Variants in LRRFIP2 observed in about 807,000 individuals in gnomAD.
LRRFIP2 encodes leucine-rich repeat flightless-interacting protein 2.
Under a neutral mutation model 125.9 loss-of-function variants are expected in LRRFIP2, and 109 were observed. That is an observed-to-expected ratio of 0.87 (90% CI 0.74 to 1.01). The LOEUF (loss-of-function observed/expected upper bound fraction) is 1.01, where lower values mean the gene tolerates loss of function less well. Among genes scored for constraint, LRRFIP2 ranks in the 50% least tolerant of loss-of-function variants. LRRFIP2 has a pLI of 0.00. For missense variants in LRRFIP2, 850 were observed against 862.3 expected, an observed-to-expected ratio of 0.99 and a Z score of 0.18; for synonymous variants, 291 against 293.1, an observed-to-expected ratio of 0.99 and a Z score of 0.07.
At position 37,121,684 on chromosome 3, in the gene LRRFIP2, G is replaced by A. The variant is rs199604771; in HGVS notation, c.236C>T (p.Ser79Leu). 88 of 1,614,000 alleles carry A rather than the reference G, an allele frequency of 5.5e-5. No homozygotes were observed. In the East Asian group the frequency reaches 1.2e-3, roughly 22 times the overall value. The change falls in exon 5 of 28, where the codon TCG becomes TTG. Residue 79 changes from serine (S) to leucine (L), a missense_variant. Ser to Leu is a moderately radical substitution (Grantham distance 145, BLOSUM62 -2). Coordinates refer to ENST00000336686, the MANE Select transcript of LRRFIP2 (RefSeq NM_006309.4). ...CCGGTGGGAATACCTGGCCCTTTCC[G>A]AATCTTCCTGGGAAAGGAGAAAGTA... ...WGQIQKWLED[S>L]ERARYSHRSS...
intron 23 of LRRFIP2, 40 bp downstream of exon 23, chr3:37,065,770 G>A (rs777836838): frequency 1.2e-6 from 2 of 1,613,810 alleles, no homozygotes; most frequent in South Asian, 2.2e-5. Flanking sequence ...ACCCAATAGG[G>A]TAACATTAAT....
chr3:37,067,272 T>C (rs1394408764), intron 21 of LRRFIP2: 1 of 152,122 alleles, frequency 6.6e-6, no homozygotes. Context: ...CTGAGGACAA[T>C]GCAGAAGCAG....
At chr3:37,166,159 G>T (rs1370640708) in intron 1 of LRRFIP2, among the ~76,000 whole-genome samples, 12 of 151,882 alleles carry the variant, frequency 7.9e-5, no homozygotes, top group Non-Finnish European at 4.4e-5. Context: ...GTGAAAACCC[G>T]TCTCTACTAA....
intron 1 of LRRFIP2, among the ~76,000 whole-genome samples, chr3:37,162,207 A>G (rs1560146308): frequency 6.6e-6 from 1 of 151,410 alleles, no homozygotes; most frequent in Non-Finnish European, 1.5e-5. Context: ...ACAAAAATAA[A>G]TTATTAATAA....
intron 1 of LRRFIP2, among the ~76,000 whole-genome samples, chr3:37,166,472 C>T (rs750921575): frequency 1.3e-5 from 2 of 152,018 alleles, no homozygotes; most frequent in Non-Finnish European, 2.9e-5. Flanking sequence ...ATATAAAGAA[C>T]TCCTACAACT....
chr3:37,076,843 G>A (rs1339557702), intron 19 of LRRFIP2, among the ~76,000 whole-genome samples: 1 of 152,156 alleles, frequency 6.6e-6, no homozygotes, highest in East Asian at 1.9e-4. Flanking sequence ...TCCAGCCTGG[G>A]CAACAGGAGC....
At position 37,157,745 on chromosome 3, in the gene LRRFIP2, T is replaced by C. The variant is rs1052303186; in HGVS notation, c.-55-8707A>G. Among the ~76,000 whole-genome samples the C allele has an allele frequency of 2.6e-5, 4 of 152,110 alleles. No homozygotes were observed. In the East Asian group the frequency reaches 5.8e-4, roughly 22 times the overall value. On this transcript the variant is annotated intron_variant, in intron 1 of 27. Transcript: ENST00000336686. The stretch of plus-strand genomic sequence containing the variant: ...TATATACAGGCAAAACTGGAGAACT[T>C]GGCAAAACAAGGAAAGGCAAATGCT...
rs540845244 is a variant in LRRFIP2 at position 37,070,895 on chromosome 3, G to T, written c.1464+1895C>A. ...CCTGGGCCTACAGATCTGTGTTAAA[G>T]AAAATTATGTGAAGTCCTAAAAGAA... On this transcript the variant is annotated intron_variant, in intron 21 of 27. Transcript: ENST00000336686. Among the ~76,000 whole-genome samples the T allele has an allele frequency of 2.0e-5, 3 of 152,220 alleles. No homozygotes were observed. In the East Asian group the frequency reaches 5.8e-4, roughly 29 times the overall value.
chr3:37,067,381 AAGTAGTCTATGC>A (rs2090355838), intron 21 of LRRFIP2: 1 of 152,258 alleles, frequency 6.6e-6, no homozygotes, highest in Non-Finnish European at 1.5e-5. Context: ...CACCCAAGGT[AAGTAGTCTATGC>A]AGGAATCTGA....
At chr3:37,068,536 A>G (rs1003527501) in intron 21 of LRRFIP2, 3 of 152,248 alleles carry the variant, frequency 2.0e-5, no homozygotes, top group African/African-American at 4.8e-5. Context: ...AAAATACCTT[A>G]TAATTGGATC....
chr3:37,055,200 T>G, intron 25 of LRRFIP2, 35 bp from the exon 26 acceptor site: 1 of 1,305,644 alleles, frequency 7.7e-7, no homozygotes, highest in Non-Finnish European at 1.1e-6. Context: ...TATCTTCACC[T>G]GTCAGAGATG....
At chr3:37,149,988 G>C (rs534253358) in intron 1 of LRRFIP2, among the ~76,000 whole-genome samples, 4 of 150,802 alleles carry the variant, frequency 2.7e-5, no homozygotes, top group Admixed American at 6.6e-5. Flanking sequence ...GTGACAGAGA[G>C]AGACTCCACC....
chr3:37,065,215 T>G (rs2089877432), intron 23 of LRRFIP2: 1 of 178,200 alleles, frequency 5.6e-6, no homozygotes, highest in Non-Finnish European at 1.2e-5. Flanking sequence ...TGACTTTGAT[T>G]TCTCAGACAG....
chr3:37,110,862 A>C (rs2094522766), intron 9 of LRRFIP2, 129 bp downstream of exon 9: 1 of 684,090 alleles, frequency 1.5e-6, no homozygotes, highest in Non-Finnish European at 2.5e-6. Context: ...ATATAAATTC[A>C]GTTACCAAAA....
chr3:37,161,900 A>T (rs542140792), intron 1 of LRRFIP2, among the ~76,000 whole-genome samples: 1 of 151,926 alleles, frequency 6.6e-6, no homozygotes, highest in Admixed American at 6.6e-5. Flanking sequence ...AAGAGAAAAC[A>T]GGCTGGGTGC....
intron 1 of LRRFIP2, among the ~76,000 whole-genome samples, chr3:37,152,539 G>A (rs2096063790): frequency 6.6e-6 from 1 of 152,142 alleles, no homozygotes. Flanking sequence ...TGCCTCCCGG[G>A]TTCAAGTGAT....
chr3:37,091,101 C>A (rs993288844), intron 18 of LRRFIP2, among the ~76,000 whole-genome samples: 1 of 151,910 alleles, frequency 6.6e-6, no homozygotes, highest in Non-Finnish European at 1.5e-5. Flanking sequence ...GGAGGCTGGG[C>A]GAGGTGGCTC....
intron 2 of LRRFIP2, among the ~76,000 whole-genome samples, chr3:37,139,879 T>C (rs1274355867): frequency 3.3e-5 from 5 of 152,152 alleles, no homozygotes; most frequent in Admixed American, 2.6e-4. Context: ...CACCTCCCTC[T>C]TCACTTCTCA....
At chr3:37,149,095 C>A in intron 1 of LRRFIP2, 57 bp from the exon 2 acceptor site, 1 of 1,405,984 alleles carries the variant, frequency 7.1e-7, no homozygotes, top group South Asian at 1.5e-5. Flanking sequence ...TTTTCATGCT[C>A]ATTTATATAT....
Sources: gnomAD v4.1 joint callset for allele counts (sites outside exome capture counted in the v4.1 genomes callset) on GRCh38, gnomAD v4.1.1 for gene constraint, MANE v1.5 for transcripts, NCBI Gene and HGNC (gene_info 2026-07-23, HGNC 2026-07-21) for gene names.